AKAP19: variants seen among roughly 807,000 people sequenced by gnomAD.
AKAP19 encodes the protein small A-kinase anchoring protein.
the AKAP19 span, among the ~76,000 whole-genome samples, chr2:190,045,006 T>C: frequency 6.6e-6 from 1 of 152,138 alleles, no homozygotes; most frequent in Non-Finnish European, 1.5e-5. Context: ...GGGTTCCACT[T>C]CAGCCCCCAG....
chr2:189,899,836 A>G, the AKAP19 span, among the ~76,000 whole-genome samples: 10 of 152,068 alleles, frequency 6.6e-5, no homozygotes, highest in Non-Finnish European at 1.3e-4. Context: ...TTTTTAGATT[A>G]ATTCATGAAT....
chr2:189,975,958 C>T, the AKAP19 span, among the ~76,000 whole-genome samples: 14 of 152,154 alleles, frequency 9.2e-5, no homozygotes, highest in Non-Finnish European at 1.5e-4. Flanking sequence ...GAAGTTTGAT[C>T]GTCTGAAGCC....
the AKAP19 span, among the ~76,000 whole-genome samples, chr2:190,137,562 G>A: frequency 4.6e-5 from 7 of 152,176 alleles, no homozygotes; most frequent in Non-Finnish European, 8.8e-5. Flanking sequence ...CCAGGAAATA[G>A]CCTAGCATGG....
At chr2:190,130,088 T>A in the AKAP19 span, among the ~76,000 whole-genome samples, 1 of 152,184 alleles carries the variant, frequency 6.6e-6, no homozygotes, top group African/African-American at 2.4e-5. Context: ...ATGAACAAAC[T>A]GAAACCAGGG....
chr2:190,191,626 T>C, the AKAP19 span, among the ~76,000 whole-genome samples: 1 of 152,230 alleles, frequency 6.6e-6, no homozygotes, highest in African/African-American at 2.4e-5. Flanking sequence ...GCTCTGTATA[T>C]GCACCAGCAC....
chr2:190,105,817 T>G, the AKAP19 span, among the ~76,000 whole-genome samples: 3 of 152,208 alleles, frequency 2.0e-5, no homozygotes, highest in Non-Finnish European at 4.4e-5. Context: ...CTGATCACAC[T>G]GTATTGGGGT....
At chr2:190,050,925 A>G in the AKAP19 span, among the ~76,000 whole-genome samples, 2 of 152,176 alleles carry the variant, frequency 1.3e-5, no homozygotes, top group Non-Finnish European at 2.9e-5. Context: ...GATATTGTAC[A>G]TCATTTTCTG....
the AKAP19 span, among the ~76,000 whole-genome samples, chr2:190,052,910 T>C: frequency 6.6e-6 from 1 of 152,210 alleles, no homozygotes; most frequent in Non-Finnish European, 1.5e-5. Flanking sequence ...TATGAATTTA[T>C]ACTAGTGAAT....
chr2:189,919,516 G>A, the AKAP19 span, among the ~76,000 whole-genome samples: 1 of 150,872 alleles, frequency 6.6e-6, no homozygotes, highest in Non-Finnish European at 1.5e-5. Context: ...TGCACCTACT[G>A]ACCCATCGTC....
At chr2:190,102,515 C>T in the AKAP19 span, among the ~76,000 whole-genome samples, 2 of 151,906 alleles carry the variant, frequency 1.3e-5, no homozygotes, top group East Asian at 3.9e-4. Flanking sequence ...TACAATTGAG[C>T]CTACAGAAAT....
the AKAP19 span, among the ~76,000 whole-genome samples, chr2:190,188,291 C>T: frequency 6.6e-6 from 1 of 152,142 alleles, no homozygotes; most frequent in Admixed American, 6.5e-5. Flanking sequence ...TTTTGTGTAT[C>T]TTGAGAACTA....
the AKAP19 span, among the ~76,000 whole-genome samples, chr2:190,094,137 A>C: frequency 3.3e-5 from 5 of 152,266 alleles, no homozygotes; most frequent in Non-Finnish European, 5.9e-5. Context: ...AAGATTGGTA[A>C]ATAGGAGTCT....
chr2:189,905,429 T>G, the AKAP19 span, among the ~76,000 whole-genome samples: 1 of 152,010 alleles, frequency 6.6e-6, no homozygotes, highest in Non-Finnish European at 1.5e-5. Context: ...ATATTCATAA[T>G]TTCCCTACCT....
the AKAP19 span, chr2:189,930,285 G>A: frequency 1.6e-4 from 88 of 566,044 alleles, 1 homozygote; most frequent in East Asian, 4.2e-3. Context: ...TAGGTTGAAA[G>A]CAGTGCTGCA....
chr2:190,050,441 CT>C, the AKAP19 span, among the ~76,000 whole-genome samples: 2 of 152,106 alleles, frequency 1.3e-5, no homozygotes. Flanking sequence ...TGGGCAGGGC[CT>C]TTTTACAGCT....
chr2:190,127,524 A>G, the AKAP19 span, among the ~76,000 whole-genome samples: 1 of 152,152 alleles, frequency 6.6e-6, no homozygotes, highest in African/African-American at 2.4e-5. Context: ...TAGCTTTTAT[A>G]CTATTACAAA....
the AKAP19 span, among the ~76,000 whole-genome samples, chr2:190,134,478 A>G: frequency 6.6e-6 from 1 of 152,130 alleles, no homozygotes; most frequent in Non-Finnish European, 1.5e-5. Context: ...GATTAAAAAT[A>G]TATTTATAAC....
chr2:189,893,129 G>T, the AKAP19 span, among the ~76,000 whole-genome samples: 3 of 152,186 alleles, frequency 2.0e-5, no homozygotes, highest in Admixed American at 1.3e-4. Context: ...TGCTGTGCTG[G>T]CAGTGAGAAT....
the AKAP19 span, among the ~76,000 whole-genome samples, chr2:190,043,170 T>C: frequency 0.13 from 19,995 of 152,106 alleles, 3,142 homozygotes; most frequent in African/African-American, 0.37. Context: ...ATTATGTGTC[T>C]TGGGGGTGAT....
Sources: gnomAD v4.1 joint callset for allele counts (sites outside exome capture counted in the v4.1 genomes callset) on GRCh38, gnomAD v4.1.1 for gene constraint, MANE v1.5 for transcripts, NCBI Gene and HGNC (gene_info 2026-07-23, HGNC 2026-07-21) for gene names.